GHR: variants seen among roughly 807,000 people sequenced by gnomAD.
GHR encodes GH receptor.
Under a neutral mutation model 67.1 loss-of-function variants are expected in GHR, and 35 were observed. The observed-to-expected ratio is 0.52, with a 90% CI of 0.40 to 0.69. GHR has a LOEUF of 0.69. Among genes scored for constraint, GHR ranks in the 30% least tolerant of loss-of-function variants. GHR has a pLI of 0.00. For missense variants in GHR, 792 were observed against 764.6 expected (o/e 1.04, Z -0.42); for synonymous variants, 272 against 269.1 (o/e 1.01, Z -0.10).
At position 42,521,517 on chromosome 5, in the gene GHR, GTAAAGCTACT is replaced by G. The variant is rs747089191; in HGVS notation, c.-11-44346_-11-44337del. On this transcript the variant is annotated intron_variant, in intron 1 of 9. Coordinates refer to ENST00000230882, the MANE Select transcript of GHR (RefSeq NM_000163.5). ...TAATTTAGAATTTAGTTTCGGATTT[GTAAAGCTACT>G]CATGCTGCAGATCTTCTCTGAAACA... Among the ~76,000 whole-genome samples, 412 of 152,308 alleles carry G rather than the reference GTAAAGCTACT, an allele frequency of 2.7e-3. 3 individuals carry two copies. The highest frequency in any genetic ancestry group is 3.1e-3 in the Non-Finnish European group (213 of 68,036).
intron 3 of GHR, among the ~76,000 whole-genome samples, chr5:42,648,715 G>GTA (rs1561196099): frequency 6.7e-6 from 1 of 149,694 alleles, no homozygotes; most frequent in African/African-American, 2.5e-5. Context: ...TAGTAGTAGT[G>GTA]GTGGTGGTAG....
At chr5:42,580,065 A>T (rs1579986445) in intron 2 of GHR, among the ~76,000 whole-genome samples, 1 of 152,224 alleles carries the variant, frequency 6.6e-6, no homozygotes, top group East Asian at 1.9e-4. Context: ...AGAACTATAT[A>T]TCAGTAGCCT....
chr5:42,475,625 T>C (rs954781327), intron 1 of GHR, among the ~76,000 whole-genome samples: 2 of 151,676 alleles, frequency 1.3e-5, no homozygotes, highest in East Asian at 1.9e-4. Context: ...CCCCACCAAA[T>C]TGTATAAGTT....
rs890900479 is a variant in GHR, at chr5:42,720,788, G to T, written c.*1364G>T. 1.6e-4 allele frequency: 24 copies of T among 152,150 alleles called. 1 individual carries two copies. Among genetic ancestry groups the T allele is most frequent in the African/African-American group, 5.3e-4 (22 of 41,444 alleles). The allele number at this position is 152,150 out of a possible 1,614,324, so 9.4% of individuals were successfully genotyped here. A position where few individuals can be genotyped will look rare whatever the true frequency, so the allele number is the denominator to read the frequency against. ...ATAGGATTTATTTAAAATAGCAAAA[G>T]AAGAAGTTTCATCATTTTTTACTTC... On this transcript the variant is annotated 3_prime_UTR_variant, in exon 10 of 10. Coordinates refer to ENST00000230882, the MANE Select transcript of GHR (RefSeq NM_000163.5).
intron 1 of GHR, among the ~76,000 whole-genome samples, chr5:42,524,645 G>A (rs1747625376): frequency 6.6e-6 from 1 of 152,170 alleles, no homozygotes; most frequent in Non-Finnish European, 1.5e-5. Context: ...AGACCATGGG[G>A]AAAATGTCTC....
At chr5:42,606,414 T>G (rs946025695) in intron 2 of GHR, among the ~76,000 whole-genome samples, 1 of 152,128 alleles carries the variant, frequency 6.6e-6, no homozygotes, top group Admixed American at 6.5e-5. Context: ...AGCATCTGCT[T>G]CCAGTGAGGG....
chr5:42,717,846 T>G (rs995882237), intron 8 of GHR, among the ~76,000 whole-genome samples: 3 of 150,700 alleles, frequency 2.0e-5, no homozygotes, highest in Non-Finnish European at 4.4e-5. Context: ...TTTGGGTTTT[T>G]TAGTTGTTCT....
At chr5:42,468,114 G>A in intron 1 of GHR, 1 of 1,176,362 alleles carries the variant, frequency 8.5e-7, no homozygotes. Flanking sequence ...AGTAACTGAA[G>A]GTTCTTGGTT....
chr5:42,602,067 T>C (rs1284675503), intron 2 of GHR, among the ~76,000 whole-genome samples: 1 of 152,188 alleles, frequency 6.6e-6, no homozygotes, highest in Non-Finnish European at 1.5e-5. Flanking sequence ...TTAGTTTTTG[T>C]TGCATATATT....
In GHR at chr5:42,671,723, G is replaced by T. The variant is rs1414785243; in HGVS notation, c.137-17167G>T. On this transcript the variant is annotated intron_variant, in intron 3 of 9. Transcript: ENST00000230882. ...TGTAATCCCAGCACTTTGGGAGGCC[G>T]AGGTGGGCGGATCACGAGGTCAGGA... 3.3e-5 allele frequency among the ~76,000 whole-genome samples: 5 copies of T among 151,130 alleles called. No individual in the cohort carries two copies. In the East Asian group the frequency reaches 9.8e-4, roughly 30 times the overall value.
chr5:42,579,362 A>T (rs1366594210), intron 2 of GHR, among the ~76,000 whole-genome samples: 1 of 152,186 alleles, frequency 6.6e-6, no homozygotes, highest in Non-Finnish European at 1.5e-5. Flanking sequence ...GTCATGCTTG[A>T]TGGAGCCATA....
intron 3 of GHR, among the ~76,000 whole-genome samples, chr5:42,635,749 G>A (rs1341539473): frequency 6.6e-6 from 1 of 152,158 alleles, no homozygotes; most frequent in Non-Finnish European, 1.5e-5. Context: ...GTTTCTCTCT[G>A]TGCATTGACT....
intron 3 of GHR, among the ~76,000 whole-genome samples, chr5:42,664,390 G>A (rs911711664): frequency 4.7e-4 from 72 of 152,146 alleles, no homozygotes; most frequent in African/African-American, 1.5e-3. Flanking sequence ...TGGTACCAAA[G>A]CAGAGATATA....
intron 1 of GHR, among the ~76,000 whole-genome samples, chr5:42,427,452 A>G (rs1345023638): frequency 3.3e-5 from 5 of 152,182 alleles, no homozygotes; most frequent in Admixed American, 1.3e-4. Context: ...GGAAAAACCC[A>G]CTTCCATGAT....
At chr5:42,653,802 C>T (rs1023461990) in intron 3 of GHR, among the ~76,000 whole-genome samples, 2 of 152,124 alleles carry the variant, frequency 1.3e-5, no homozygotes, top group Admixed American at 6.6e-5. Flanking sequence ...GACTGCTTGT[C>T]GCTGTTGATG....
intron 1 of GHR, among the ~76,000 whole-genome samples, chr5:42,504,741 G>A (rs986919330): frequency 6.6e-6 from 1 of 152,040 alleles, no homozygotes; most frequent in African/African-American, 2.4e-5. Flanking sequence ...CCTGAGAACG[G>A]AGCGAGATTC....
chr5:42,688,740 C>A, intron 3 of GHR, 150 bp from the exon 4 acceptor site: 1 of 793,898 alleles, frequency 1.3e-6, no homozygotes, highest in African/African-American at 1.7e-5. Context: ...AGGAAAAATG[C>A]TTTTCTGGAA....
rs1302481796 is a variant in GHR at position 42,719,599 on chromosome 5, A to C, written c.*175A>C. ...ATATGATGTTAAAAAAATAAGAAGA[A>C]TGCTTAATCAGATAGATATTCCTAT... On this transcript the variant is annotated 3_prime_UTR_variant, in exon 10 of 10. Coordinates refer to ENST00000230882, the MANE Select transcript of GHR (RefSeq NM_000163.5). 6.1e-6 allele frequency: 4 copies of C among 660,194 alleles called. No individual in the cohort carries two copies. Among genetic ancestry groups the C allele is most frequent in the Admixed American group, 2.2e-5 (1 of 46,192 alleles). 40.9% of individuals were successfully genotyped at this position (660,194 alleles called of 1,614,324 possible).
Position 42,599,116 on chromosome 5 carries a change from C to T in GHR, c.71-29922C>T, listed in dbSNP as rs187162827. 1.6e-3 allele frequency among the ~76,000 whole-genome samples: 247 copies of T among 152,276 alleles called. 2 individuals are homozygous for T. The highest frequency in any genetic ancestry group is 5.8e-3 in the African/African-American group (242 of 41,548). Reference sequence around the variant, plus strand: ...CTTTACATGACCATTTTGCTAGTAGCAGTGGATGAAGCTTTTCTCTAAGAG... The same window carrying T: ...CTTTACATGACCATTTTGCTAGTAGTAGTGGATGAAGCTTTTCTCTAAGAG... On this transcript the variant is annotated intron_variant, in intron 2 of 9. Coordinates refer to ENST00000230882, the MANE Select transcript of GHR (RefSeq NM_000163.5).
Sources: allele counts gnomAD v4.1 joint callset (sites outside exome capture counted in the v4.1 genomes callset), GRCh38; gene constraint gnomAD v4.1.1; transcripts MANE v1.5; gene names NCBI Gene and HGNC (gene_info 2026-07-23, HGNC 2026-07-21).